The following LINGO2 variants were observed in gnomAD, a reference collection of about 807,000 sequenced individuals.
LINGO2 encodes the protein leucine rich repeat and Ig domain containing 2, also known as leucine-rich repeat and immunoglobulin-like domain-containing nogo receptor-interacting protein 2.
LINGO2 carries 14 observed loss-of-function variants against 30.6 expected under a neutral mutation model. The ratio of observed to expected loss-of-function variants is 0.46; its 90% CI spans 0.30 to 0.72. The LOEUF is 0.72. LINGO2 is among the 30% of genes least tolerant of loss of function. LINGO2 has a pLI of 0.07. For missense variants in LINGO2, 729 were observed against 751.7 expected (o/e 0.97, Z 0.35); for synonymous variants, 317 against 288.5 (o/e 1.10, Z -1.00).
the LINGO2 span, among the ~76,000 whole-genome samples, chr9:28,748,916 T>G: frequency 6.6e-6 from 1 of 152,024 alleles, no homozygotes; most frequent in Non-Finnish European, 1.5e-5. Flanking sequence ...TAGTTGTAAA[T>G]TTTGTATGAA....
chr9:28,022,289 C>A (rs1823166369), intron 4 of LINGO2, among the ~76,000 whole-genome samples: 1 of 152,050 alleles, frequency 6.6e-6, no homozygotes, highest in South Asian at 2.1e-4. Context: ...TCATTTCACT[C>A]GTCCTATCTT....
intron 2 of LINGO2, among the ~76,000 whole-genome samples, chr9:28,447,925 G>T (rs1437236266): frequency 2.0e-5 from 3 of 152,166 alleles, no homozygotes; most frequent in Non-Finnish European, 4.4e-5. Flanking sequence ...GGATAAGATG[G>T]AGGATTATGG....
chr9:29,165,568 A>C, the LINGO2 span, among the ~76,000 whole-genome samples: 6 of 151,946 alleles, frequency 3.9e-5, no homozygotes, highest in Non-Finnish European at 5.9e-5. Flanking sequence ...ATTTTCTCTA[A>C]ACAGTCCTAA....
chr9:28,780,640 C>G, the LINGO2 span, among the ~76,000 whole-genome samples: 2 of 152,192 alleles, frequency 1.3e-5, no homozygotes, highest in South Asian at 4.1e-4. Flanking sequence ...TACAGGTGAA[C>G]AGCTTCAGAT....
At chr9:28,466,086 A>G (rs116602374) in intron 2 of LINGO2, among the ~76,000 whole-genome samples, 2,468 of 152,252 alleles carry the variant, frequency 0.016, 60 homozygotes, top group African/African-American at 0.056. Context: ...CAGAGCTACC[A>G]TATAATCCAG....
At chr9:28,132,761 T>C (rs2133450945) in intron 4 of LINGO2, among the ~76,000 whole-genome samples, 1 of 152,330 alleles carries the variant, frequency 6.6e-6, no homozygotes. Context: ...CACTTTGTGT[T>C]ATTAAGGTCC....
At chr9:28,432,480 T>C (rs141325580) in intron 2 of LINGO2, among the ~76,000 whole-genome samples, 3,076 of 151,918 alleles carry the variant, frequency 0.02, 42 homozygotes, top group Non-Finnish European at 0.031. Context: ...ATGGAAAAAA[T>C]CAAAAGGCAA....
intron 1 of LINGO2, among the ~76,000 whole-genome samples, chr9:28,490,500 G>A (rs903347045): frequency 1.3e-5 from 2 of 152,156 alleles, no homozygotes; most frequent in Non-Finnish European, 2.9e-5. Context: ...TAAACAATTT[G>A]CACAGAGTCA....
chr9:28,568,023 C>A (rs923356817), intron 1 of LINGO2, among the ~76,000 whole-genome samples: 2 of 151,904 alleles, frequency 1.3e-5, no homozygotes, highest in South Asian at 4.1e-4. Context: ...TATAGACCAG[C>A]CAGTGAAAAC....
chr9:28,916,706 C>G, the LINGO2 span, among the ~76,000 whole-genome samples: 1 of 152,208 alleles, frequency 6.6e-6, no homozygotes, highest in Non-Finnish European at 1.5e-5. Context: ...GCCCAACCAC[C>G]TTGGGAACAT....
chr9:28,507,903 TG>T (rs906089354), intron 1 of LINGO2, among the ~76,000 whole-genome samples: 15 of 152,078 alleles, frequency 9.9e-5, no homozygotes, highest in African/African-American at 3.6e-4. Flanking sequence ...TATTATATTT[TG>T]TGACTCAGAG....
intron 1 of LINGO2, among the ~76,000 whole-genome samples, chr9:28,623,987 T>C (rs142474189): frequency 6.6e-6 from 1 of 152,220 alleles, no homozygotes; most frequent in East Asian, 1.9e-4. Context: ...TTGTTCATTG[T>C]TGGCAAATAG....
At chr9:28,887,714 C>T in the LINGO2 span, among the ~76,000 whole-genome samples, 2 of 152,034 alleles carry the variant, frequency 1.3e-5, no homozygotes. Flanking sequence ...AACAAAAAGG[C>T]TGAGAACTGT....
At chr9:29,209,642 C>T in the LINGO2 span, among the ~76,000 whole-genome samples, 1 of 152,002 alleles carries the variant, frequency 6.6e-6, no homozygotes, top group Non-Finnish European at 1.5e-5. Flanking sequence ...ATTTCCTTAC[C>T]CCAAACCCTT....
At chr9:28,033,884 C>G (rs1158057468) in intron 4 of LINGO2, among the ~76,000 whole-genome samples, 1 of 152,164 alleles carries the variant, frequency 6.6e-6, no homozygotes, top group African/African-American at 2.4e-5. Flanking sequence ...CAAGGATTTC[C>G]CATCCCCCAC....
At chr9:28,203,239 A>C (rs1364627499) in intron 4 of LINGO2, among the ~76,000 whole-genome samples, 1 of 152,172 alleles carries the variant, frequency 6.6e-6, no homozygotes, top group South Asian at 2.1e-4. Flanking sequence ...GTGTTACATA[A>C]TTCATGTAAC....
At position 28,104,848 on chromosome 9, in the gene LINGO2, T is replaced by C. The variant is rs370556205; in HGVS notation, c.-86-92443A>G. Among the ~76,000 whole-genome samples the C allele has an allele frequency of 5.3e-5, 8 of 152,236 alleles. No homozygotes were observed. In the South Asian group the frequency reaches 1.7e-3, roughly 32 times the overall value. On this transcript the variant is annotated intron_variant, in intron 4 of 5. Coordinates refer to ENST00000379992, the Ensembl canonical transcript of LINGO2. ...ATTTTTATTTTAGAAATATTTATAA[T>C]GAGAAGATAAATACAGTATGGGAAA...
chr9:29,164,364 T>C, the LINGO2 span, among the ~76,000 whole-genome samples: 192 of 152,272 alleles, frequency 1.3e-3, no homozygotes, highest in African/African-American at 4.3e-3. Flanking sequence ...TACAAATCTC[T>C]AGTCATTGTC....
At chr9:28,392,145 G>A (rs1172486368) in intron 2 of LINGO2, among the ~76,000 whole-genome samples, 1 of 152,192 alleles carries the variant, frequency 6.6e-6, no homozygotes, top group Non-Finnish European at 1.5e-5. Flanking sequence ...AGAGCTTGCA[G>A]TGAGCCGAGA....
Sources: gnomAD v4.1 joint callset for allele counts (sites outside exome capture counted in the v4.1 genomes callset) on GRCh38, gnomAD v4.1.1 for gene constraint, MANE v1.5 for transcripts, NCBI Gene and HGNC (gene_info 2026-07-23, HGNC 2026-07-21) for gene names.